Variants in UBE3A observed in about 807,000 individuals in gnomAD.
UBE3A encodes ubiquitin-protein ligase E3A.
Under a neutral mutation model 83.4 loss-of-function variants are expected in UBE3A, and 6 were observed. The observed-to-expected ratio is 0.07, with a 90% confidence interval of 0.04 to 0.14. UBE3A has a LOEUF of 0.14. UBE3A is among the 10% of genes least tolerant of loss of function. The pLI is 1.00. For synonymous variants in UBE3A, 337 were observed against 355.4 expected (o/e 0.95, Z 0.58); for missense variants, 456 against 1,036.1 (o/e 0.44, Z 7.69).
At chr15:25,347,024 T>C (rs2075791030) in intron 11 of UBE3A, 1 of 152,138 alleles carries the variant, frequency 6.6e-6, no homozygotes, top group Non-Finnish European at 1.5e-5. Flanking sequence ...AACTATTCTT[T>C]GGGAATAAAG....
intron 11 of UBE3A, among the ~76,000 whole-genome samples, chr15:25,349,039 C>T (rs1179049239): frequency 6.6e-6 from 1 of 152,188 alleles, no homozygotes; most frequent in African/African-American, 2.4e-5. Context: ...TGATTTGAAG[C>T]TGCAGTAACC....
At chr15:25,377,267 A>T (rs1019212972) in intron 4 of UBE3A, among the ~76,000 whole-genome samples, 6 of 152,194 alleles carry the variant, frequency 3.9e-5, no homozygotes, top group Non-Finnish European at 5.9e-5. Context: ...GTAGGTGACA[A>T]AAAGTGATAA....
chr15:25,337,302 TTTAA>T lies in UBE3A; in HGVS notation c.*1831_*1834del, dbSNP rs1009484255. On this transcript the variant is annotated 3_prime_UTR_variant, in exon 13 of 13. Coordinates refer to ENST00000648336, the MANE Select transcript of UBE3A (RefSeq NM_130839.5). ...CTCAGAGTATTTAATTTCTCCTCAC[TTTAA>T]TTACACATTAAGAAGCACAGTGGAT... 1 of 152,154 alleles carries T rather than the reference TTTAA, an allele frequency of 6.6e-6. No individual in the cohort carries two copies. Among genetic ancestry groups the T allele is most frequent in the Non-Finnish European group, 1.5e-5 (1 of 68,028 alleles). The allele number at this position is 152,154 out of a possible 1,614,324, so 9.4% of individuals were successfully genotyped here. A position where few individuals can be genotyped will look rare whatever the true frequency, so the allele number is the denominator to read the frequency against.
intron 4 of UBE3A, among the ~76,000 whole-genome samples, chr15:25,378,431 T>C (rs1050071840): frequency 1.3e-5 from 2 of 152,190 alleles, no homozygotes; most frequent in African/African-American, 4.8e-5. Context: ...AGTTATTTTA[T>C]GTAATAGGGA....
intron 4 of UBE3A, among the ~76,000 whole-genome samples, chr15:25,400,924 T>C (rs2086928365): frequency 6.6e-6 from 1 of 152,218 alleles, no homozygotes; most frequent in East Asian, 1.9e-4. Context: ...CAGTATAACG[T>C]TAGCAGTGTG....
In UBE3A at chr15:25,370,986, C is replaced by T; in HGVS notation, c.1188G>A (p.Glu396=). Residue 396 remains glutamate (E), a synonymous_variant, in exon 6 of 13, where the codon GAG becomes GAA. Coordinates refer to ENST00000648336, the MANE Select transcript of UBE3A (RefSeq NM_130839.5). The surrounding 1 kb of genome is among the most constrained non-coding windows in gnomAD (Gnocchi z 4.2). The part of the protein sequence containing the change: ...DTNHNEEDDE[E]PIPESSELTL... ...TCAGCTCGCTGGACTCAGGGATGGGCTCTTCATCATCTTCTTCATTGTGAT... is the reference window on the plus strand; with the variant it reads ...TCAGCTCGCTGGACTCAGGGATGGGTTCTTCATCATCTTCTTCATTGTGAT... The T allele has an allele frequency of 1.2e-6, 2 of 1,613,406 alleles. No individual in the cohort carries two copies. The highest frequency in any genetic ancestry group is 8.5e-7 in the Non-Finnish European group (1 of 1,179,570).
At chr15:25,361,930 C>T (rs909532816) in intron 6 of UBE3A, among the ~76,000 whole-genome samples, 23 of 152,110 alleles carry the variant, frequency 1.5e-4, no homozygotes, top group African/African-American at 5.3e-4. Context: ...AGTCTGTCTA[C>T]AAAAAATAAA....
intron 6 of UBE3A, among the ~76,000 whole-genome samples, chr15:25,368,612 T>C (rs1216012646): frequency 2.0e-5 from 3 of 152,142 alleles, no homozygotes; most frequent in African/African-American, 4.8e-5. Context: ...TGATTTATGA[T>C]AGGCCACACT....
intron 11 of UBE3A, among the ~76,000 whole-genome samples, chr15:25,348,200 C>T (rs2076000709): frequency 6.6e-6 from 1 of 151,752 alleles, no homozygotes; most frequent in Admixed American, 6.6e-5. Flanking sequence ...TGAAACAAAA[C>T]CTGATAAACA....
chr15:25,412,605 C>G (rs1216081006), intron 1 of UBE3A, among the ~76,000 whole-genome samples: 1 of 152,112 alleles, frequency 6.6e-6, no homozygotes, highest in Non-Finnish European at 1.5e-5. Context: ...AAGCAAGCCC[C>G]TAAATTATCA....
chr15:25,412,917 T>G, intron 1 of UBE3A: 1 of 378,772 alleles, frequency 2.6e-6, no homozygotes. Flanking sequence ...TTTCATTCAG[T>G]GCATGAAGTA....
chr15:25,355,978 A>T lies in UBE3A; in HGVS notation c.2038T>A (p.Ser680Thr). 1 of 1,613,800 alleles carries T rather than the reference A, an allele frequency of 6.2e-7. No individual in the cohort carries two copies. ...GGGTTACCAAAAAGATCTGTCTGTG[A>T]TATCTGGAAAGTGATCATCATGTCA... Reference protein sequence around the residue: ...EDDMMITFQISQTDLFGNPMM... With the variant: ...EDDMMITFQITQTDLFGNPMM... Residue 680 changes from serine to threonine, a missense_variant, in exon 9 of 13, where the codon TCA (serine) becomes ACA (threonine). Coordinates refer to ENST00000648336, the MANE Select transcript of UBE3A (RefSeq NM_130839.5).
At chr15:25,364,071 TAAAA>T (rs1366756926) in intron 6 of UBE3A, among the ~76,000 whole-genome samples, 3 of 150,522 alleles carry the variant, frequency 2.0e-5, no homozygotes, top group Admixed American at 6.6e-5. Context: ...AATAAATAAA[TAAAA>T]AATAGTGGGG....
chr15:25,399,264 A>G (rs2086493688), intron 4 of UBE3A, among the ~76,000 whole-genome samples: 1 of 152,098 alleles, frequency 6.6e-6, no homozygotes, highest in South Asian at 2.1e-4. Flanking sequence ...GGTCATATCC[A>G]AAAAAATCAC....
In UBE3A at chr15:25,430,138, TTA is replaced by T. The variant is rs1303364938; in HGVS notation, c.-165+8349_-165+8350del. Among the ~76,000 whole-genome samples, 7 of 62,094 alleles carry T rather than the reference TTA, an allele frequency of 1.1e-4. No homozygotes were observed. In the South Asian group the frequency reaches 1.8e-3, roughly 16 times the overall value. The allele number at this position is 62,094 out of a possible 152,430, so 40.7% of individuals were successfully genotyped here. A position where few individuals can be genotyped will look rare whatever the true frequency, so the allele number is the denominator to read the frequency against. ...ACATATATATAAGATTATATATATATTATATATATAATACATATATATAAGAT... is the reference window on the plus strand; with the variant it reads ...ACATATATATAAGATTATATATATATTATATATAATACATATATATAAGAT... On this transcript the variant is annotated intron_variant, in intron 1 of 12. Coordinates refer to ENST00000648336, the MANE Select transcript of UBE3A (RefSeq NM_130839.5).
chr15:25,356,136 G>T, intron 8 of UBE3A, 80 bp from the exon 9 acceptor site: 1 of 1,528,054 alleles, frequency 6.5e-7, no homozygotes, highest in South Asian at 1.1e-5. Context: ...CTTCTTAGAA[G>T]ACAACAAAAA....
chr15:25,406,856 GAA>G (rs11413336), intron 3 of UBE3A, among the ~76,000 whole-genome samples: 5 of 114,666 alleles, frequency 4.4e-5, no homozygotes, highest in African/African-American at 7.3e-5. Flanking sequence ...AATGGAAAAG[GAA>G]AAAAAAAAAA....
intron 8 of UBE3A, 79 bp from the exon 9 acceptor site, chr15:25,356,135 AGAC>A: frequency 1.3e-6 from 2 of 1,529,476 alleles, no homozygotes; most frequent in Non-Finnish European, 9.0e-7. Context: ...TCTTCTTAGA[AGAC>A]AACAAAAATC....
Position 25,405,352 on chromosome 15 carries a change from A to G in UBE3A, c.62+109T>C. On this transcript the variant is annotated intron_variant, in intron 4 of 12. Transcript: ENST00000648336. ...GTTCCTATCTCCCATTTACTGCTAA[A>G]TGATTCCTTTCTTTTAACCAGAAAT... The G allele has an allele frequency of 4.6e-6, 6 of 1,314,218 alleles. No individual in the cohort carries two copies. In the South Asian group the frequency reaches 7.2e-5, roughly 16 times the overall value. 81.4% of individuals were successfully genotyped at this position (1,314,218 alleles called of 1,614,324 possible). A position where few individuals can be genotyped will look rare whatever the true frequency, so the allele number is the denominator to read the frequency against.
Sources: allele counts gnomAD v4.1 joint callset (sites outside exome capture counted in the v4.1 genomes callset), GRCh38; gene constraint gnomAD v4.1.1; non-coding constraint Gnocchi (gnomAD v3.1); transcripts MANE v1.5; gene names NCBI Gene and HGNC (gene_info 2026-07-23, HGNC 2026-07-21).